CDH12: variants seen among roughly 807,000 people sequenced by gnomAD.
The protein encoded by CDH12 is cadherin-12.
Under a neutral mutation model 74.1 loss-of-function variants are expected in CDH12, and 41 were observed. The observed-to-expected ratio is 0.55, with a 90% confidence interval of 0.43 to 0.72. CDH12 has a LOEUF of 0.72. Ranked by LOEUF, CDH12 falls within the 30% of genes least tolerant of loss-of-function variation. The pLI, the probability that CDH12 is intolerant of heterozygous loss-of-function variation, is 0.00. For missense variants in CDH12, 945 were observed against 977.2 expected (o/e 0.97, Z 0.44); for synonymous variants, 399 against 355.0 (o/e 1.12, Z -1.39).
rs527887250 is a variant in CDH12, at chr5:22,850,626, A to G, written c.-523+2432T>C. ...TCTCTATTGATGTAATGATCACATG[A>G]TAATTTCTGACATAATTACTTTTAA... On this transcript the variant is annotated intron_variant, in intron 1 of 14. Coordinates refer to ENST00000382254, the MANE Select transcript of CDH12 (RefSeq NM_004061.5). Among the ~76,000 whole-genome samples the G allele has an allele frequency of 2.6e-5, 4 of 152,270 alleles. No individual in the cohort carries two copies. The East Asian group carries it at 5.8e-4, about 22-fold the overall frequency.
chr5:21,774,708 T>C (rs1443160034), intron 11 of CDH12, among the ~76,000 whole-genome samples: 2 of 152,048 alleles, frequency 1.3e-5, no homozygotes, highest in African/African-American at 4.8e-5. Flanking sequence ...ACACAGTAAA[T>C]AAACTACCTA....
At chr5:22,726,037 A>T (rs114254303) in intron 1 of CDH12, among the ~76,000 whole-genome samples, 9,042 of 151,688 alleles carry the variant, frequency 0.06, 330 homozygotes, top group African/African-American at 0.09. Context: ...CAACTGATGA[A>T]CCTACATTGA....
chr5:22,497,528 C>T (rs1216514726), intron 2 of CDH12, among the ~76,000 whole-genome samples: 6 of 152,020 alleles, frequency 3.9e-5, no homozygotes, highest in Non-Finnish European at 8.8e-5. Context: ...TAATTCCACC[C>T]CTGGGCCTCT....
rs530417843 is a variant in CDH12 at position 22,438,858 on chromosome 5, T to C, written c.-427-33507A>G. ...TTTTATTAATCTATAAAAAATTGAA[T>C]AATATCATTTTAGAAGAAAATAAAT... On this transcript the variant is annotated intron_variant, in intron 2 of 14. Transcript: ENST00000382254. Among the ~76,000 whole-genome samples, 23 of 151,894 alleles carry C rather than the reference T, an allele frequency of 1.5e-4. No individual in the cohort carries two copies. The South Asian group carries it at 3.7e-3, about 25-fold the overall frequency.
intron 1 of CDH12, among the ~76,000 whole-genome samples, chr5:22,505,830 A>G (rs1336392464): frequency 1.3e-5 from 2 of 152,094 alleles, no homozygotes; most frequent in Non-Finnish European, 2.9e-5. Context: ...TTCAGTTGCA[A>G]TTTGGCTGAT....
In CDH12 at chr5:21,819,131, G is replaced by C. The variant is rs961716225; in HGVS notation, c.815-1999C>G. ...CCAGAAGGATAAAGCCAGATATTCA[G>C]GAGGAATCTATCTGATTTCAAATAG... On this transcript the variant is annotated intron_variant, in intron 8 of 14. Coordinates refer to ENST00000382254, the MANE Select transcript of CDH12 (RefSeq NM_004061.5). Among the ~76,000 whole-genome samples, 18 of 152,016 alleles carry C rather than the reference G, an allele frequency of 1.2e-4. No individual in the cohort carries two copies. In the East Asian group the frequency reaches 3.3e-3, roughly 28 times the overall value.
intron 1 of CDH12, among the ~76,000 whole-genome samples, chr5:22,729,401 T>C (rs1744319231): frequency 6.6e-6 from 1 of 151,908 alleles, no homozygotes; most frequent in Non-Finnish European, 1.5e-5. Context: ...GGGCTCATGT[T>C]ATTACATTGC....
At chr5:22,205,678 TAAG>T (rs1457519178) in intron 4 of CDH12, among the ~76,000 whole-genome samples, 20 of 152,068 alleles carry the variant, frequency 1.3e-4, no homozygotes, top group Admixed American at 1.2e-3. Flanking sequence ...AACTGACAAA[TAAG>T]AAAGTCTTAA....
intron 4 of CDH12, among the ~76,000 whole-genome samples, chr5:22,164,600 C>A (rs1364169673): frequency 1.3e-5 from 2 of 152,322 alleles, no homozygotes; most frequent in South Asian, 2.1e-4. Context: ...GAAAACAGAG[C>A]TCCTGTACGA....
At chr5:22,020,703 C>G (rs2150160956) in intron 5 of CDH12, among the ~76,000 whole-genome samples, 1 of 152,018 alleles carries the variant, frequency 6.6e-6, no homozygotes, top group Non-Finnish European at 1.5e-5. Flanking sequence ...AGAAAAACCT[C>G]TCTTTCTCCC....
At chr5:22,161,547 A>ATAG in intron 4 of CDH12, among the ~76,000 whole-genome samples, 3 of 152,062 alleles carry the variant, frequency 2.0e-5, no homozygotes. Context: ...AATAATAATA[A>ATAG]TAATAATAAA....
chr5:22,023,520 G>A (rs982654170), intron 5 of CDH12, among the ~76,000 whole-genome samples: 9 of 151,130 alleles, frequency 6.0e-5, no homozygotes, highest in South Asian at 2.1e-4. Context: ...GTGTGTGTGT[G>A]TATATATATA....
chr5:22,674,515 C>T (rs553832198), intron 1 of CDH12, among the ~76,000 whole-genome samples: 104 of 152,228 alleles, frequency 6.8e-4, no homozygotes, highest in African/African-American at 2.4e-3. Flanking sequence ...ATATAGTATA[C>T]TGGCACCAGG....
intron 1 of CDH12, among the ~76,000 whole-genome samples, chr5:22,532,375 A>ATG (rs1554047744): frequency 9.2e-5 from 7 of 75,842 alleles, no homozygotes; most frequent in African/African-American, 2.3e-4. Context: ...ATATATATAT[A>ATG]TATGTATGTA....
chr5:21,993,147 G>A (rs539085007), intron 5 of CDH12, among the ~76,000 whole-genome samples: 25 of 152,216 alleles, frequency 1.6e-4, no homozygotes, highest in African/African-American at 5.1e-4. Flanking sequence ...TTGGCGGGGG[G>A]TGGAGGGTGG....
intron 2 of CDH12, among the ~76,000 whole-genome samples, chr5:22,468,986 T>TCCCTAAC (rs1354167680): frequency 1.3e-5 from 2 of 152,222 alleles, no homozygotes; most frequent in Non-Finnish European, 2.9e-5. Flanking sequence ...AATTACATAT[T>TCCCTAAC]CCCTAACTTA....
chr5:22,434,290 G>T (rs1744289498), intron 2 of CDH12, among the ~76,000 whole-genome samples: 1 of 152,012 alleles, frequency 6.6e-6, no homozygotes, highest in Admixed American at 6.6e-5. Flanking sequence ...TATAGTTTGG[G>T]TGTCTTAAGA....
At chr5:22,095,247 T>C (rs1743684239) in intron 4 of CDH12, among the ~76,000 whole-genome samples, 1 of 152,194 alleles carries the variant, frequency 6.6e-6, no homozygotes. Context: ...CGTCTCTCAC[T>C]ATCCCTCAAC....
At position 22,170,975 on chromosome 5, in the gene CDH12, T is replaced by C. The variant is rs182390332; in HGVS notation, c.-187+41523A>G. ...CATCTAAAACCCAAATGTTAGTAGA[T>C]ATATGCTTAAAAATAGGTGCTGTCA... is the stretch of plus-strand genomic sequence containing the variant. On this transcript the variant is annotated intron_variant, in intron 4 of 14. Transcript: ENST00000382254. Among the ~76,000 whole-genome samples, 404 of 152,008 alleles carry C rather than the reference T, an allele frequency of 2.7e-3. 3 individuals are homozygous for C. Among genetic ancestry groups the C allele is most frequent in the Non-Finnish European group, 3.8e-3 (258 of 67,858 alleles).
Sources: allele counts gnomAD v4.1 joint callset (sites outside exome capture counted in the v4.1 genomes callset), GRCh38; gene constraint gnomAD v4.1.1; transcripts MANE v1.5; gene names NCBI Gene and HGNC (gene_info 2026-07-23, HGNC 2026-07-21).